Variants in CMSS1 observed in about 807,000 individuals in gnomAD.
CMSS1 encodes cms1 ribosomal small subunit homolog, also known as protein CMSS1.
A neutral mutation model predicts 43.5 loss-of-function variants in CMSS1; 33 were observed. The observed-to-expected ratio is 0.76, with a 90% CI of 0.57 to 1.01. CMSS1 has a LOEUF of 1.01. CMSS1 is among the 50% of genes least tolerant of loss of function. The probability of loss-of-function intolerance (pLI) is 0.00; values close to 1 mark genes in which losing one functional copy is unlikely to be tolerated. For missense variants in CMSS1, 313 were observed against 326.4 expected (o/e 0.96, Z 0.32); for synonymous variants, 115 against 117.2 (o/e 0.98, Z 0.12).
chr3:99,996,889 A>G (rs192688411), intron 1 of CMSS1, among the ~76,000 whole-genome samples: 10 of 152,238 alleles, frequency 6.6e-5, no homozygotes, highest in Admixed American at 6.5e-4. Flanking sequence ...GGACACAGCC[A>G]AACCATATCA....
intron 1 of CMSS1, among the ~76,000 whole-genome samples, chr3:99,852,357 GTTAA>G (rs1351755098): frequency 2.0e-5 from 3 of 152,166 alleles, no homozygotes; most frequent in Non-Finnish European, 4.4e-5. Flanking sequence ...TTAGGAATGA[GTTAA>G]TTATCAAATG....
intron 2 of CMSS1, among the ~76,000 whole-genome samples, chr3:100,151,255 T>C (rs2066905579): frequency 6.6e-6 from 1 of 152,226 alleles, no homozygotes; most frequent in African/African-American, 2.4e-5. Flanking sequence ...AATCTATTGT[T>C]TCATTGACAA....
intron 2 of CMSS1, 137 bp from the exon 3 acceptor site, chr3:100,160,293 G>T (rs2067012453): frequency 4.9e-6 from 3 of 616,392 alleles, no homozygotes; most frequent in Non-Finnish European, 9.0e-6. Flanking sequence ...AGATCTTCCA[G>T]CATCTCTCTT....
chr3:99,882,870 A>G (rs1016478907), intron 1 of CMSS1, among the ~76,000 whole-genome samples: 3 of 152,236 alleles, frequency 2.0e-5, no homozygotes, highest in African/African-American at 7.2e-5. Context: ...TTTGTTTTAA[A>G]TTGGAGATTT....
intron 1 of CMSS1, among the ~76,000 whole-genome samples, chr3:99,943,845 A>C (rs190931260): frequency 5.1e-4 from 78 of 152,310 alleles, no homozygotes; most frequent in Non-Finnish European, 1.0e-4. Context: ...GCCGAGTTAT[A>C]ATCTTACTTC....
chr3:100,088,796 G>A (rs556776554), intron 1 of CMSS1, among the ~76,000 whole-genome samples: 147 of 151,562 alleles, frequency 9.7e-4, no homozygotes, highest in Non-Finnish European at 1.9e-3. Context: ...CCACTTTTTT[G>A]TATCTTTTAA....
rs543532413 is a variant in CMSS1, at chr3:100,122,125, G to A, written c.65-24848G>A. ...CTAACAGAGAAATTAAATGCATGGA[G>A]GAAACCAAGGGAAAAGTTTGGGCCT... On this transcript the variant is annotated intron_variant, in intron 1 of 9. Transcript: ENST00000421999. Among the ~76,000 whole-genome samples, 6 of 152,344 alleles carry A rather than the reference G, an allele frequency of 3.9e-5. No individual in the cohort carries two copies. The South Asian group carries it at 1.2e-3, about 32-fold the overall frequency.
chr3:99,880,201 A>G (rs747278492), intron 1 of CMSS1, among the ~76,000 whole-genome samples: 3 of 152,054 alleles, frequency 2.0e-5, no homozygotes, highest in Non-Finnish European at 2.9e-5. Context: ...CTAGACAATC[A>G]TTTTTCTAAT....
At chr3:100,024,081 C>G (rs970431455) in intron 1 of CMSS1, among the ~76,000 whole-genome samples, 13 of 152,146 alleles carry the variant, frequency 8.5e-5, no homozygotes, top group African/African-American at 3.1e-4. Flanking sequence ...CTTCCTCCCA[C>G]AACTCTAACT....
chr3:100,134,254 A>G lies in CMSS1; in HGVS notation c.65-12719A>G, dbSNP rs113940948. 8.1e-4 allele frequency among the ~76,000 whole-genome samples: 123 copies of G among 152,200 alleles called. 1 individual carries two copies. Among genetic ancestry groups the G allele is most frequent in the African/African-American group, 2.8e-3 (117 of 41,516 alleles). ...TCCACCTCACTCTGGAAATTTTGAC[A>G]CATCCAGGGTATATAGCATTCTTAA... On this transcript the variant is annotated intron_variant, in intron 1 of 9. Transcript: ENST00000421999.
intron 1 of CMSS1, among the ~76,000 whole-genome samples, chr3:100,034,041 G>A (rs773792639): frequency 2.6e-5 from 4 of 152,022 alleles, no homozygotes; most frequent in Non-Finnish European, 4.4e-5. Context: ...TATTCAACCC[G>A]CCATGCGTTA....
chr3:99,983,447 T>C (rs1328129482), intron 1 of CMSS1, among the ~76,000 whole-genome samples: 47 of 7,918 alleles, frequency 5.9e-3, no homozygotes, highest in Admixed American at 0.012. Context: ...TATATGTATG[T>C]ATATATATAT....
At chr3:100,177,456 A>G (rs889936028) in intron 9 of CMSS1, among the ~76,000 whole-genome samples, 3 of 152,228 alleles carry the variant, frequency 2.0e-5, no homozygotes, top group Admixed American at 6.5e-5. Flanking sequence ...GAAATGTCCA[A>G]AAACATCTTG....
chr3:99,824,174 G>C (rs1942493695), intron 1 of CMSS1, among the ~76,000 whole-genome samples: 1 of 152,020 alleles, frequency 6.6e-6, no homozygotes, highest in African/African-American at 2.4e-5. Flanking sequence ...GCCCGCCTCA[G>C]CCTCCCAAAA....
chr3:99,995,785 C>A (rs1320227950), intron 1 of CMSS1, among the ~76,000 whole-genome samples: 1 of 152,220 alleles, frequency 6.6e-6, no homozygotes, highest in African/African-American at 2.4e-5. Flanking sequence ...AGCCACAGCT[C>A]AAGGTCTGCG....
At chr3:99,929,330 G>A (rs1707396785) in intron 1 of CMSS1, among the ~76,000 whole-genome samples, 1 of 152,174 alleles carries the variant, frequency 6.6e-6, no homozygotes, top group Non-Finnish European at 1.5e-5. Context: ...GAAGGAAAAA[G>A]AAGGTATGCA....
intron 1 of CMSS1, among the ~76,000 whole-genome samples, chr3:99,974,355 C>T (rs1347777849): frequency 6.6e-6 from 1 of 152,082 alleles, no homozygotes; most frequent in African/African-American, 2.4e-5. Context: ...TTAGTAAAGC[C>T]CATTTCTTAC....
At chr3:99,960,494 G>A (rs1446557407) in intron 1 of CMSS1, among the ~76,000 whole-genome samples, 1 of 152,184 alleles carries the variant, frequency 6.6e-6, no homozygotes, top group Non-Finnish European at 1.5e-5. Flanking sequence ...GCAACATTCT[G>A]ATTAGGAATA....
At chr3:99,891,244 G>C (rs1706073649) in intron 1 of CMSS1, among the ~76,000 whole-genome samples, 1 of 151,978 alleles carries the variant, frequency 6.6e-6, no homozygotes, top group Non-Finnish European at 1.5e-5. Flanking sequence ...TTTCGTCTGG[G>C]TAATGTGGGT....
Sources: allele counts gnomAD v4.1 joint callset (sites outside exome capture counted in the v4.1 genomes callset), GRCh38; gene constraint gnomAD v4.1.1; transcripts MANE v1.5; gene names NCBI Gene and HGNC (gene_info 2026-07-23, HGNC 2026-07-21).